The following STYXL1 variants were observed in gnomAD, a reference collection of about 807,000 sequenced individuals.
STYXL1 encodes the protein serine/threonine/tyrosine interacting like 1.
In STYXL1, 32 loss-of-function variants were observed where a neutral mutation model predicts 36.4. That is an observed-to-expected ratio of 0.88 (90% confidence interval 0.66 to 1.18). The LOEUF is 1.18. Ranked by LOEUF, STYXL1 falls within the 50% of genes most tolerant of loss-of-function variation. STYXL1 has a pLI of 0.00. For synonymous variants in STYXL1, 133 were observed against 144.1 expected, an observed-to-expected ratio of 0.92 and a Z score of 0.55; for missense variants, 354 against 394.1, an observed-to-expected ratio of 0.90 and a Z score of 0.86.
At chr7:76,017,079 T>C (rs1554574237) in intron 4 of STYXL1, among the ~76,000 whole-genome samples, 1 of 152,138 alleles carries the variant, frequency 6.6e-6, no homozygotes, top group Non-Finnish European at 1.5e-5. Context: ...TGGAGTGCAA[T>C]GGCACGATCT....
intron 1 of STYXL1, among the ~76,000 whole-genome samples, chr7:76,042,434 T>G (rs1796570310): frequency 8.6e-6 from 1 of 116,472 alleles, no homozygotes; most frequent in Admixed American, 1.1e-4. Flanking sequence ...AGATGGAGTC[T>G]CATTCTGTCA....
At chr7:76,033,306 G>A (rs868917517) in intron 1 of STYXL1, among the ~76,000 whole-genome samples, 7 of 151,928 alleles carry the variant, frequency 4.6e-5, no homozygotes, top group Admixed American at 6.6e-5. Flanking sequence ...CATCATGCCC[G>A]GCTAAGTTTT....
intron 2 of STYXL1, among the ~76,000 whole-genome samples, chr7:76,029,319 G>C (rs552563330): frequency 5.9e-5 from 9 of 151,572 alleles, no homozygotes; most frequent in Non-Finnish European, 1.3e-4. Flanking sequence ...GCTAATTTTT[G>C]TATTTTTAGT....
rs145229566 is a variant in STYXL1, at chr7:75,997,038, C to T, written c.811-439G>A. On this transcript the variant is annotated intron_variant, in intron 8 of 8. Transcript: ENST00000359697. ...TCCTTCAGGCATCCACCTTAAAGTA[C>T]AGGAAGTGTTGCTGCATGAAGGAGG... Among the ~76,000 whole-genome samples the T allele has an allele frequency of 7.2e-5, 11 of 152,302 alleles. No homozygotes were observed. The East Asian group carries it at 2.1e-3, about 29-fold the overall frequency.
intron 1 of STYXL1, among the ~76,000 whole-genome samples, chr7:76,036,469 T>C (rs977163561): frequency 1.3e-5 from 2 of 150,184 alleles, no homozygotes; most frequent in East Asian, 3.9e-4. Context: ...TATCGTGCAT[T>C]TACATAAAAA....
chr7:76,032,546 A>G (rs1038290856), intron 1 of STYXL1, among the ~76,000 whole-genome samples: 2 of 151,948 alleles, frequency 1.3e-5, no homozygotes, highest in Non-Finnish European at 2.9e-5. Context: ...TACTAAAAAT[A>G]CAAAAATTAG....
rs193157206 is a variant in STYXL1, at chr7:76,001,033, C to A, written c.698-31G>T. The A allele has an allele frequency of 1.7e-4, 264 of 1,557,452 alleles. 1 individual carries two copies. The African/African-American group carries it at 3.1e-3, about 18-fold the overall frequency. On this transcript the variant is annotated intron_variant, in intron 7 of 8. Coordinates refer to ENST00000359697, the MANE Select transcript of STYXL1 (RefSeq NM_001317785.2). ...AAAAGAAGTGGGGGGTTGGGTCATG[C>A]CTGGCCCTCCTCCCTGTGGGCCTGG... is the stretch of plus-strand genomic sequence containing the variant.
At chr7:76,012,743 G>A (rs1554572558) in intron 5 of STYXL1, among the ~76,000 whole-genome samples, 1 of 152,068 alleles carries the variant, frequency 6.6e-6, no homozygotes, top group African/African-American at 2.4e-5. Flanking sequence ...TATTGCTCAG[G>A]CCGGTCTCAA....
At chr7:76,043,587 G>A (rs960755722) in intron 1 of STYXL1, among the ~76,000 whole-genome samples, 9 of 152,054 alleles carry the variant, frequency 5.9e-5, no homozygotes, top group Admixed American at 5.2e-4. Flanking sequence ...CATGGGAACT[G>A]GAGGTAAGAA....
chr7:76,004,633 G>A (rs1042806680), intron 6 of STYXL1, among the ~76,000 whole-genome samples: 18 of 151,362 alleles, frequency 1.2e-4, no homozygotes, highest in African/African-American at 4.4e-4. Flanking sequence ...TAACCCTGGA[G>A]GCGGAGGTTG....
intron 3 of STYXL1, among the ~76,000 whole-genome samples, chr7:76,023,390 G>C (rs371666885): frequency 1.3e-5 from 2 of 152,156 alleles, no homozygotes; most frequent in African/African-American, 2.4e-5. Context: ...TAGAGACAGG[G>C]TCTCACTCTG....
chr7:76,005,631 C>T (rs1791575215), intron 5 of STYXL1, among the ~76,000 whole-genome samples: 1 of 152,120 alleles, frequency 6.6e-6, no homozygotes, highest in South Asian at 2.1e-4. Context: ...AGCGCTGGGT[C>T]TCAGCACTGG....
chr7:76,007,132 T>C (rs1348735263), intron 5 of STYXL1, among the ~76,000 whole-genome samples: 1 of 152,084 alleles, frequency 6.6e-6, no homozygotes, highest in Non-Finnish European at 1.5e-5. Flanking sequence ...TGATTTAAAG[T>C]ATACACAAGA....
chr7:76,010,442 A>AG (rs3839764), intron 5 of STYXL1, among the ~76,000 whole-genome samples: 1 of 152,000 alleles, frequency 6.6e-6, no homozygotes, highest in Admixed American at 6.6e-5. Context: ...CATGCGGGGC[A>AG]GGGGACGGGT....
chr7:76,035,762 C>T (rs1795851192), intron 1 of STYXL1, among the ~76,000 whole-genome samples: 1 of 149,816 alleles, frequency 6.7e-6, no homozygotes, highest in South Asian at 2.2e-4. Context: ...CATACCCATC[C>T]TCAGCTACTA....
At chr7:76,025,324 A>G in intron 3 of STYXL1, among the ~76,000 whole-genome samples, 1 of 152,132 alleles carries the variant, frequency 6.6e-6, no homozygotes. Context: ...AAAAATTAAA[A>G]AAAAAAAGCT....
Position 76,047,679 on chromosome 7 carries a change from T to G in STYXL1, c.-22A>C. 3 of 183,580 alleles carry G rather than the reference T, an allele frequency of 1.6e-5. No homozygotes were observed. The highest frequency in any genetic ancestry group is 1.2e-5 in the Non-Finnish European group (1 of 85,374). 11.4% of individuals were successfully genotyped at this position (183,580 alleles called of 1,614,324 possible). ...GACCCTACCTTTCCGGAGCTCAGAG[T>G]CCCCTCTGGCCTCCAAGGGCAGAAG... On this transcript the variant is annotated 5_prime_UTR_variant, in exon 1 of 9. Coordinates refer to ENST00000359697, the MANE Select transcript of STYXL1 (RefSeq NM_001317785.2).
chr7:76,003,953 G>A (rs1387467556), intron 6 of STYXL1, 98 bp from the exon 7 acceptor site: 11 of 1,070,264 alleles, frequency 1.0e-5, no homozygotes, highest in African/African-American at 4.7e-5. Context: ...CAGGGAGGAC[G>A]CTGAGCTTGT....
intron 3 of STYXL1, among the ~76,000 whole-genome samples, chr7:76,026,065 G>A (rs916297129): frequency 3.3e-5 from 5 of 150,546 alleles, no homozygotes; most frequent in Non-Finnish European, 5.9e-5. Flanking sequence ...GGTGGCGGGC[G>A]CCTATAGTCC....
Sources: gnomAD v4.1 joint callset for allele counts (sites outside exome capture counted in the v4.1 genomes callset) on GRCh38, gnomAD v4.1.1 for gene constraint, MANE v1.5 for transcripts, NCBI Gene and HGNC (gene_info 2026-07-23, HGNC 2026-07-21) for gene names.